COMMD10: variants seen among roughly 807,000 people sequenced by gnomAD.
COMMD10 encodes the protein COMM domain-containing protein 10.
Under a neutral mutation model 28.9 loss-of-function variants are expected in COMMD10, and 33 were observed. The ratio of observed to expected loss-of-function variants is 1.14; its 90% CI spans 0.87 to 1.53. The LOEUF (loss-of-function observed/expected upper bound fraction) is 1.53, where lower values mean the gene tolerates loss of function less well. Ranked by LOEUF, COMMD10 falls within the 40% of genes most tolerant of loss-of-function variation. COMMD10 has a pLI of 0.00. For synonymous variants in COMMD10, 110 were observed against 81.7 expected (o/e 1.35, Z -1.87); for missense variants, 310 against 233.4 (o/e 1.33, Z -2.14).
chr5:116,156,243 AC>A (rs1752704793), intron 5 of COMMD10, among the ~76,000 whole-genome samples: 1 of 152,142 alleles, frequency 6.6e-6, no homozygotes, highest in Non-Finnish European at 1.5e-5. Context: ...TGTAGTAAAA[AC>A]AGTACAGGGT....
At chr5:116,110,650 A>G (rs1402339313) in intron 4 of COMMD10, among the ~76,000 whole-genome samples, 2 of 152,172 alleles carry the variant, frequency 1.3e-5, no homozygotes, top group Non-Finnish European at 2.9e-5. Flanking sequence ...TGGGTAACTT[A>G]TAAAGAAAAG....
At chr5:116,182,683 C>A (rs1036571839) in intron 5 of COMMD10, among the ~76,000 whole-genome samples, 1 of 151,872 alleles carries the variant, frequency 6.6e-6, no homozygotes, top group African/African-American at 2.4e-5. Flanking sequence ...ATTAGAAAGC[C>A]AAGTAAAAAG....
chr5:116,118,924 C>T (rs1357158630), intron 4 of COMMD10, among the ~76,000 whole-genome samples: 1 of 152,128 alleles, frequency 6.6e-6, no homozygotes, highest in African/African-American at 2.4e-5. Context: ...TCGTTAATGC[C>T]AGGGAACTGT....
chr5:116,197,888 T>C (rs1481453349), intron 5 of COMMD10, among the ~76,000 whole-genome samples: 2 of 152,150 alleles, frequency 1.3e-5, no homozygotes, highest in African/African-American at 2.4e-5. Flanking sequence ...GTAGGAGAAG[T>C]AGAAATACTA....
chr5:116,251,289 TA>T lies in COMMD10; in HGVS notation c.511-40227del, dbSNP rs1372763494. ...CTTTTTATTTATTTATTTATTTATT[TA>T]TTTATTTATTTATTATTATACTTTA... On this transcript the variant is annotated intron_variant, in intron 5 of 6. Transcript: ENST00000274458. 2.0e-3 allele frequency among the ~76,000 whole-genome samples: 267 copies of T among 134,756 alleles called. 1 individual carries two copies. The highest frequency in any genetic ancestry group is 7.5e-3 in the African/African-American group (249 of 33,396). 88.4% of individuals were successfully genotyped at this position (134,756 alleles called of 152,430 possible).
intron 4 of COMMD10, among the ~76,000 whole-genome samples, chr5:116,102,539 G>A (rs1457863923): frequency 6.6e-6 from 1 of 152,024 alleles, no homozygotes; most frequent in Non-Finnish European, 1.5e-5. Flanking sequence ...GGCCATTCAG[G>A]TTCTTCATTG....
chr5:116,168,991 A>T (rs995821876), intron 5 of COMMD10, among the ~76,000 whole-genome samples: 3 of 152,114 alleles, frequency 2.0e-5, no homozygotes, highest in Admixed American at 6.6e-5. Flanking sequence ...GAGTAGAACG[A>T]AAGGAGATAG....
intron 5 of COMMD10, among the ~76,000 whole-genome samples, chr5:116,220,639 C>A (rs772900333): frequency 2.0e-5 from 3 of 152,238 alleles, no homozygotes; most frequent in Admixed American, 2.0e-4. Flanking sequence ...ATAACTCACA[C>A]GTCTGTTATT....
intron 4 of COMMD10, among the ~76,000 whole-genome samples, chr5:116,102,331 G>C (rs1580445622): frequency 6.6e-6 from 1 of 152,050 alleles, no homozygotes; most frequent in African/African-American, 2.4e-5. Context: ...CTCAATTTAT[G>C]TTCTTGTTGA....
intron 5 of COMMD10, among the ~76,000 whole-genome samples, chr5:116,222,523 ATTT>A (rs1749287723): frequency 6.6e-6 from 1 of 152,152 alleles, no homozygotes; most frequent in Non-Finnish European, 1.5e-5. Flanking sequence ...GTCTACTTGT[ATTT>A]GTAAAGTTGA....
chr5:116,169,805 C>T (rs185026857), intron 5 of COMMD10, among the ~76,000 whole-genome samples: 1 of 152,240 alleles, frequency 6.6e-6, no homozygotes, highest in East Asian at 1.9e-4. Context: ...ATGCTAAAAA[C>T]ACTCAATAAA....
rs544055291 is a variant in COMMD10 at position 116,264,733 on chromosome 5, GAT to G, written c.511-26780_511-26779del. 2.6e-3 allele frequency among the ~76,000 whole-genome samples: 388 copies of G among 151,906 alleles called. 2 individuals carry two copies. Among genetic ancestry groups the G allele is most frequent in the Non-Finnish European group, 4.4e-3 (297 of 67,982 alleles). On this transcript the variant is annotated intron_variant, in intron 5 of 6. Coordinates refer to ENST00000274458, the MANE Select transcript of COMMD10 (RefSeq NM_016144.4). ...TTTTTCTTTAGGAGCTTGATGGAGAGATATACCATTTCTGTCAGGTTTTGCAA... is the reference window on the plus strand; with the variant it reads ...TTTTTCTTTAGGAGCTTGATGGAGAGATACCATTTCTGTCAGGTTTTGCAA...
At chr5:116,157,068 A>G (rs994776672) in intron 5 of COMMD10, among the ~76,000 whole-genome samples, 1 of 152,028 alleles carries the variant, frequency 6.6e-6, no homozygotes, top group Admixed American at 6.6e-5. Context: ...AGGGAACACA[A>G]TTTTGCCGAT....
chr5:116,109,253 C>T (rs1163766416), intron 4 of COMMD10, among the ~76,000 whole-genome samples: 1 of 152,060 alleles, frequency 6.6e-6, no homozygotes, highest in African/African-American at 2.4e-5. Context: ...TTGTAGTTCT[C>T]CTTGTGAAGA....
At chr5:116,208,307 T>C (rs1444493627) in intron 5 of COMMD10, among the ~76,000 whole-genome samples, 1 of 152,140 alleles carries the variant, frequency 6.6e-6, no homozygotes, top group African/African-American at 2.4e-5. Context: ...CTGTGTAACC[T>C]TTGGAATACC....
intron 5 of COMMD10, among the ~76,000 whole-genome samples, chr5:116,220,633 C>T (rs1749225195): frequency 6.6e-6 from 1 of 152,176 alleles, no homozygotes; most frequent in Non-Finnish European, 1.5e-5. Flanking sequence ...AATAATATAA[C>T]TCACACGTCT....
intron 5 of COMMD10, among the ~76,000 whole-genome samples, chr5:116,168,871 A>T (rs1486988636): frequency 1.3e-5 from 2 of 152,332 alleles, no homozygotes; most frequent in Non-Finnish European, 2.9e-5. Flanking sequence ...CCCACAGGAG[A>T]AAGCGGGAAA....
At chr5:116,268,217 A>G (rs1750649884) in intron 5 of COMMD10, among the ~76,000 whole-genome samples, 1 of 151,962 alleles carries the variant, frequency 6.6e-6, no homozygotes, top group Non-Finnish European at 1.5e-5. Flanking sequence ...AAGGGCTAAT[A>G]TCCAGAATCT....
At chr5:116,155,805 A>G (rs1304951763) in intron 5 of COMMD10, among the ~76,000 whole-genome samples, 1 of 152,078 alleles carries the variant, frequency 6.6e-6, no homozygotes, top group East Asian at 1.9e-4. Flanking sequence ...ACTGCTTTAA[A>G]CAATAGGGGT....
Sources: allele counts gnomAD v4.1 joint callset (sites outside exome capture counted in the v4.1 genomes callset), GRCh38; gene constraint gnomAD v4.1.1; transcripts MANE v1.5; gene names NCBI Gene and HGNC (gene_info 2026-07-23, HGNC 2026-07-21).